Variants in FAM114A2 observed in about 807,000 individuals in gnomAD.
FAM114A2 encodes protein FAM114A2.
FAM114A2 carries 53 observed loss-of-function variants against 58.4 expected under a neutral mutation model. The ratio of observed to expected loss-of-function variants is 0.91; its 90% confidence interval spans 0.73 to 1.14. FAM114A2 has a LOEUF of 1.14. Ranked by LOEUF, FAM114A2 falls within the 50% of genes most tolerant of loss-of-function variation. The pLI, the probability that FAM114A2 is intolerant of heterozygous loss-of-function variation, is 0.00. For missense variants in FAM114A2, 601 were observed against 581.1 expected (o/e 1.03, Z -0.35); for synonymous variants, 228 against 211.4 (o/e 1.08, Z -0.68).
intron 8 of FAM114A2, among the ~76,000 whole-genome samples, chr5:154,019,512 C>A (rs2113385242): frequency 6.6e-6 from 1 of 152,234 alleles, no homozygotes; most frequent in Admixed American, 6.5e-5. Flanking sequence ...CGCCATTATT[C>A]ATTGAACTAG....
chr5:154,032,273 G>C (rs942133170), intron 4 of FAM114A2, among the ~76,000 whole-genome samples: 1 of 152,070 alleles, frequency 6.6e-6, no homozygotes, highest in Non-Finnish European at 1.5e-5. Context: ...TTTTTCCCAG[G>C]TGCATCCTCA....
In FAM114A2 at chr5:154,016,907, G is replaced by A. The variant is rs181587471; in HGVS notation, c.914-5587C>T. On this transcript the variant is annotated intron_variant, in intron 8 of 13. Coordinates refer to ENST00000351797, the MANE Select transcript of FAM114A2 (RefSeq NM_018691.4). The stretch of plus-strand genomic sequence containing the variant: ...ATTAACCTAAAACATAAGGACTCAC[G>A]TAAGCTTAAGGTAAAGGGGTGGAAA... Among the ~76,000 whole-genome samples the A allele has an allele frequency of 9.9e-5, 15 of 152,166 alleles. No individual in the cohort carries two copies. The East Asian group carries it at 2.5e-3, about 26-fold the overall frequency.
At chr5:154,037,950 G>T (rs1772699787) in intron 1 of FAM114A2, among the ~76,000 whole-genome samples, 1 of 151,938 alleles carries the variant, frequency 6.6e-6, no homozygotes, top group South Asian at 2.1e-4. Flanking sequence ...TTTTTATGGT[G>T]ATGGTTGTTT....
chr5:154,020,665 AC>A (rs1292887314), intron 8 of FAM114A2, among the ~76,000 whole-genome samples: 3 of 152,170 alleles, frequency 2.0e-5, no homozygotes, highest in Admixed American at 6.6e-5. Context: ...TAGCTTACCA[AC>A]CAAAAAAAGT....
chr5:154,009,523 T>C (rs1392571703), intron 9 of FAM114A2, among the ~76,000 whole-genome samples: 1 of 152,084 alleles, frequency 6.6e-6, no homozygotes, highest in Non-Finnish European at 1.5e-5. Context: ...AGAGAAATTA[T>C]GATGAATAGC....
intron 9 of FAM114A2, 120 bp from the exon 10 acceptor site, chr5:154,003,089 CA>C: frequency 2.5e-6 from 2 of 798,732 alleles, no homozygotes; most frequent in Non-Finnish European, 4.1e-6. Context: ...CTGAACGTAC[CA>C]TCTAGCTTTT....
chr5:154,034,407 G>A, intron 2 of FAM114A2, 30 bp from the exon 3 acceptor site: 1 of 1,394,790 alleles, frequency 7.2e-7, no homozygotes, highest in East Asian at 2.3e-5. Flanking sequence ...AAAAACAAAA[G>A]GCAAAGAAAA....
chr5:154,029,342 A>G (rs1310102467), intron 5 of FAM114A2, 147 bp downstream of exon 5: 2 of 540,668 alleles, frequency 3.7e-6, no homozygotes, highest in South Asian at 2.1e-5. Context: ...CACTCCACCC[A>G]TAAGACCAAA....
chr5:153,995,014 A>C (rs975428770), intron 12 of FAM114A2, 42 bp from the exon 13 acceptor site: 1 of 1,308,060 alleles, frequency 7.6e-7, no homozygotes, highest in Admixed American at 1.7e-5. Flanking sequence ...GAGTAGGTTA[A>C]ATAACAGTAA....
At chr5:154,029,133 C>G (rs1772007186) in intron 5 of FAM114A2, among the ~76,000 whole-genome samples, 1 of 152,092 alleles carries the variant, frequency 6.6e-6, no homozygotes, top group Non-Finnish European at 1.5e-5. Flanking sequence ...ATCACATTTC[C>G]CCTTTGCCTA....
At position 154,029,559 on chromosome 5, in the gene FAM114A2, TTC is replaced by T; in HGVS notation, c.423_424del (p.Asn142Ter). On this transcript the variant is annotated frameshift_variant, in exon 5 of 14. Coordinates refer to ENST00000351797, the MANE Select transcript of FAM114A2 (RefSeq NM_018691.4). LOFTEE classifies it high-confidence loss of function. ...CCCAGCCACTGGGGAGGAGTTTTCATTCTCTTTGGCATTTGTCTCTCCTACAA... is the reference window on the plus strand; with the variant it reads ...CCCAGCCACTGGGGAGGAGTTTTCATTCTTTGGCATTTGTCTCTCCTACAA... 2 of 1,608,064 alleles carry T rather than the reference TTC, an allele frequency of 1.2e-6. No homozygotes were observed. The highest frequency in any genetic ancestry group is 1.7e-6 in the Non-Finnish European group (2 of 1,174,980).
chr5:154,025,201 T>A (rs1017684105), intron 8 of FAM114A2, among the ~76,000 whole-genome samples: 7 of 152,182 alleles, frequency 4.6e-5, no homozygotes, highest in Admixed American at 3.3e-4. Flanking sequence ...TCACACAGAA[T>A]ATTTGTAAGA....
chr5:153,998,682 T>C lies in FAM114A2; in HGVS notation c.1257-807A>G, dbSNP rs554007123. 2.0e-5 allele frequency among the ~76,000 whole-genome samples: 3 copies of C among 152,196 alleles called. No homozygotes were observed. The South Asian group carries it at 6.2e-4, about 32-fold the overall frequency. On this transcript the variant is annotated intron_variant, in intron 11 of 13. Transcript: ENST00000351797. ...CAGAATCATGAGCCAAATAAGCCTC[T>C]TTTCTTTGTAAATTACCCAGCCTCA...
intron 11 of FAM114A2, 27 bp downstream of exon 11, chr5:154,002,224 A>G (rs1044452880): frequency 1.2e-5 from 20 of 1,606,906 alleles, no homozygotes; most frequent in Non-Finnish European, 1.7e-5. Context: ...AATTTGCATC[A>G]TTTAGAGGAA....
chr5:154,006,935 T>C (rs1770391084), intron 9 of FAM114A2, among the ~76,000 whole-genome samples: 1 of 151,984 alleles, frequency 6.6e-6, no homozygotes, highest in Non-Finnish European at 1.5e-5. Context: ...TAGCTGGGAT[T>C]ACAGGCACCT....
chr5:154,022,697 A>G (rs1355434058), intron 8 of FAM114A2, among the ~76,000 whole-genome samples: 1 of 152,224 alleles, frequency 6.6e-6, no homozygotes, highest in Non-Finnish European at 1.5e-5. Flanking sequence ...GGGAGTGTAA[A>G]CTAGTTCAAC....
intron 9 of FAM114A2, among the ~76,000 whole-genome samples, chr5:154,008,997 AC>A (rs1450653363): frequency 1.3e-5 from 2 of 152,244 alleles, no homozygotes; most frequent in African/African-American, 4.8e-5. Flanking sequence ...ATATAGGTGT[AC>A]ACGTGCACAT....
chr5:154,027,141 G>C (rs762067511), intron 7 of FAM114A2, 35 bp downstream of exon 7: 97 of 1,555,802 alleles, frequency 6.2e-5, no homozygotes, highest in Non-Finnish European at 7.9e-5. Context: ...TTTACTTGAA[G>C]ACTTTTTCCA....
chr5:154,012,515 T>C (rs984645347), intron 8 of FAM114A2, among the ~76,000 whole-genome samples: 2 of 152,234 alleles, frequency 1.3e-5, no homozygotes, highest in Non-Finnish European at 2.9e-5. Context: ...TAATTCACTA[T>C]AGTTTGCCAG....
Sources: gnomAD v4.1 joint callset for allele counts (sites outside exome capture counted in the v4.1 genomes callset) on GRCh38, gnomAD v4.1.1 for gene constraint, MANE v1.5 for transcripts, NCBI Gene and HGNC (gene_info 2026-07-23, HGNC 2026-07-21) for gene names.